SEMA6D: variants seen among roughly 807,000 people sequenced by gnomAD.
SEMA6D encodes the protein semaphorin 6D.
Under a neutral mutation model 106.6 loss-of-function variants are expected in SEMA6D, and 35 were observed. That is an observed-to-expected ratio of 0.33 (90% CI 0.25 to 0.44). The LOEUF is 0.44. Among genes scored for constraint, SEMA6D ranks in the 20% least tolerant of loss-of-function variants. SEMA6D has a pLI of 1.00. For missense variants in SEMA6D, 1,185 were observed against 1,345.9 expected (o/e 0.88, Z 1.87); for synonymous variants, 499 against 487.7 (o/e 1.02, Z -0.31).
At chr15:47,383,258 A>C (rs2039705980) in intron 1 of SEMA6D, among the ~76,000 whole-genome samples, 1 of 152,218 alleles carries the variant, frequency 6.6e-6, no homozygotes, top group Non-Finnish European at 1.5e-5. Context: ...TTCATGCCTC[A>C]GCTCGTCTGG....
chr15:47,193,528 G>A (rs1329141526), intron 1 of SEMA6D, among the ~76,000 whole-genome samples: 1 of 152,080 alleles, frequency 6.6e-6, no homozygotes, highest in Non-Finnish European at 1.5e-5. Context: ...GGCCGAAATT[G>A]GATTATACTC....
At chr15:47,624,955 G>A (rs771170641) in intron 4 of SEMA6D, among the ~76,000 whole-genome samples, 3 of 152,174 alleles carry the variant, frequency 2.0e-5, no homozygotes, top group South Asian at 4.2e-4. Context: ...CAAACAATGC[G>A]GCTACATCAC....
chr15:47,455,338 T>C (rs2042316290), intron 2 of SEMA6D, among the ~76,000 whole-genome samples: 1 of 152,004 alleles, frequency 6.6e-6, no homozygotes, highest in Admixed American at 6.6e-5. Flanking sequence ...AAACAACTTG[T>C]AGCAATATCC....
At chr15:47,345,078 C>T (rs571718965) in intron 1 of SEMA6D, among the ~76,000 whole-genome samples, 1 of 151,990 alleles carries the variant, frequency 6.6e-6, no homozygotes. Flanking sequence ...TTAAAGAAGA[C>T]CTAAATAAAT....
At chr15:47,608,555 T>G (rs1224630257) in intron 4 of SEMA6D, among the ~76,000 whole-genome samples, 2 of 152,174 alleles carry the variant, frequency 1.3e-5, no homozygotes, top group African/African-American at 2.4e-5. Flanking sequence ...CCTTCATAAT[T>G]TCTCTTCCCA....
chr15:47,544,071 C>A (rs531180740), intron 3 of SEMA6D, among the ~76,000 whole-genome samples: 1 of 152,138 alleles, frequency 6.6e-6, no homozygotes, highest in South Asian at 2.1e-4. Flanking sequence ...CGAAAATAAA[C>A]TAAAAAAGTA....
chr15:47,466,352 C>G (rs2042659413), intron 2 of SEMA6D, among the ~76,000 whole-genome samples: 1 of 152,298 alleles, frequency 6.6e-6, no homozygotes, highest in African/African-American at 2.4e-5. Flanking sequence ...CTTTTCTACT[C>G]TGTTTCCATA....
chr15:47,228,090 ACAT>A, intron 1 of SEMA6D, among the ~76,000 whole-genome samples: 1 of 144,826 alleles, frequency 6.9e-6, no homozygotes, highest in Admixed American at 7.0e-5. Context: ...TTGAATCCAT[ACAT>A]CATATATTTT....
At chr15:47,650,304 A>G (rs73392836) in intron 4 of SEMA6D, among the ~76,000 whole-genome samples, 3,459 of 152,328 alleles carry the variant, frequency 0.023, 127 homozygotes, top group African/African-American at 0.079. Context: ...GAAGATGTCA[A>G]CATCACCTGG....
intron 2 of SEMA6D, among the ~76,000 whole-genome samples, chr15:47,429,244 G>T (rs2041446802): frequency 6.6e-6 from 1 of 152,060 alleles, no homozygotes; most frequent in African/African-American, 2.4e-5. Context: ...TGGCTCTGCT[G>T]CTTACTACCT....
chr15:47,337,836 C>T (rs915055720), intron 1 of SEMA6D, among the ~76,000 whole-genome samples: 3 of 152,092 alleles, frequency 2.0e-5, no homozygotes, highest in Non-Finnish European at 2.9e-5. Context: ...GCTGCTAAGA[C>T]TATGCAGTGC....
intron 1 of SEMA6D, among the ~76,000 whole-genome samples, chr15:47,302,509 T>C (rs1466781): frequency 0.47 from 71,279 of 152,026 alleles, 18,143 homozygotes; most frequent in African/African-American, 0.67. Context: ...CTACATGGAA[T>C]GAGGGACTTT....
intron 3 of SEMA6D, among the ~76,000 whole-genome samples, chr15:47,518,154 A>G (rs940980658): frequency 6.6e-6 from 1 of 152,226 alleles, no homozygotes; most frequent in Non-Finnish European, 1.5e-5. Context: ...TTACATGTGC[A>G]TTTGTGGGGC....
At chr15:47,653,000 A>G (rs915581470) in intron 4 of SEMA6D, among the ~76,000 whole-genome samples, 1 of 152,226 alleles carries the variant, frequency 6.6e-6, no homozygotes, top group Non-Finnish European at 1.5e-5. Flanking sequence ...ACCTGAGCTT[A>G]TGGTGCCAAG....
intron 1 of SEMA6D, among the ~76,000 whole-genome samples, chr15:47,343,413 C>G (rs983369991): frequency 9.2e-5 from 14 of 151,792 alleles, no homozygotes; most frequent in African/African-American, 3.4e-4. Context: ...CCACTCCCCC[C>G]ACCCCACAAC....
intron 1 of SEMA6D, among the ~76,000 whole-genome samples, chr15:47,726,658 A>G (rs2079773829): frequency 6.6e-6 from 1 of 152,224 alleles, no homozygotes; most frequent in African/African-American, 2.4e-5. Flanking sequence ...AAGGTGGATG[A>G]TGGTGGTAAT....
intron 2 of SEMA6D, among the ~76,000 whole-genome samples, chr15:47,459,332 C>G (rs932410448): frequency 1.3e-5 from 2 of 151,998 alleles, no homozygotes; most frequent in African/African-American, 4.8e-5. Context: ...GGAAATGAAT[C>G]CTGTCAACTG....
intron 4 of SEMA6D, among the ~76,000 whole-genome samples, chr15:47,676,657 A>G (rs1432844186): frequency 1.3e-5 from 2 of 152,184 alleles, no homozygotes; most frequent in African/African-American, 4.8e-5. Context: ...CAAATAGTTT[A>G]CTCAGCAAGA....
In SEMA6D at chr15:47,230,210, T is replaced by G. The variant is rs2032094076; in HGVS notation, c.-239+45792T>G. ...GTCTGCCAGGATTTTTTGATTAATC[T>G]GCTCCAGTTTTTGCCTGTGTAATCC... On this transcript the variant is annotated intron_variant, in intron 1 of 19. Coordinates refer to the SEMA6D transcript ENST00000558014. 2.6e-5 allele frequency among the ~76,000 whole-genome samples: 4 copies of G among 152,120 alleles called. No individual in the cohort carries two copies. The South Asian group carries it at 8.3e-4, about 31-fold the overall frequency.
Sources: allele counts gnomAD v4.1 joint callset (sites outside exome capture counted in the v4.1 genomes callset), GRCh38; gene constraint gnomAD v4.1.1; transcripts MANE v1.5; gene names NCBI Gene and HGNC (gene_info 2026-07-23, HGNC 2026-07-21).